The following PCDHGA3 variants were observed in gnomAD, a reference collection of about 807,000 sequenced individuals.
PCDHGA3 encodes protocadherin gamma subfamily A, 3.
PCDHGA3 carries 40 observed loss-of-function variants against 58.5 expected under a neutral mutation model. That is an observed-to-expected ratio of 0.68 (90% CI 0.53 to 0.89). The LOEUF (loss-of-function observed/expected upper bound fraction) is 0.89, where lower values mean the gene tolerates loss of function less well. Ranked by LOEUF, PCDHGA3 falls within the 40% of genes least tolerant of loss-of-function variation. The probability of loss-of-function intolerance (pLI) is 0.00; values close to 1 mark genes in which losing one functional copy is unlikely to be tolerated. For synonymous variants in PCDHGA3, 530 were observed against 525.7 expected (o/e 1.01, Z -0.11); for missense variants, 1,223 against 1,195.9 (o/e 1.02, Z -0.33).
intron 1 of PCDHGA3, chr5:141,355,798 C>G (rs1255489648): frequency 6.2e-7 from 1 of 1,613,510 alleles, no homozygotes; most frequent in Non-Finnish European, 8.5e-7. Flanking sequence ...GGAACGCGCT[C>G]TAGATCGCGA....
At chr5:141,453,379 C>T (rs980792532) in intron 1 of PCDHGA3, among the ~76,000 whole-genome samples, 1 of 152,050 alleles carries the variant, frequency 6.6e-6, no homozygotes, top group Non-Finnish European at 1.5e-5. Context: ...AGTGATCCTC[C>T]TGCCTTAGCC....
intron 1 of PCDHGA3, among the ~76,000 whole-genome samples, chr5:141,446,891 C>T (rs1457416718): frequency 6.6e-6 from 1 of 152,152 alleles, no homozygotes; most frequent in South Asian, 2.1e-4. Context: ...GGGTTCATGG[C>T]TGAGCTACTT....
At chr5:141,414,932 C>T (rs770025434) in intron 1 of PCDHGA3, 3 of 1,614,162 alleles carry the variant, frequency 1.9e-6, no homozygotes, top group Middle Eastern at 1.7e-4. Context: ...CCCCGCTCCG[C>T]AGAGCCCGGC....
At chr5:141,366,741 G>C (rs772947820) in intron 1 of PCDHGA3, 1 of 1,611,828 alleles carries the variant, frequency 6.2e-7, no homozygotes, top group Non-Finnish European at 8.5e-7. Context: ...AAAGAAGAAC[G>C]GCGAGTTCAG....
At chr5:141,472,347 C>G (rs992566469) in intron 1 of PCDHGA3, among the ~76,000 whole-genome samples, 11 of 152,028 alleles carry the variant, frequency 7.2e-5, no homozygotes, top group Non-Finnish European at 1.2e-4. Context: ...CGAGACCATC[C>G]TGGCTAACAC....
intron 1 of PCDHGA3, chr5:141,409,494 C>T (rs755680835): frequency 8.1e-6 from 13 of 1,613,910 alleles, no homozygotes; most frequent in South Asian, 3.3e-5. Context: ...GGCAAGCCGC[C>T]TCTTTCTTCC....
intron 1 of PCDHGA3, among the ~76,000 whole-genome samples, chr5:141,461,288 A>G (rs1049761514): frequency 2.0e-5 from 3 of 152,092 alleles, no homozygotes; most frequent in Admixed American, 1.3e-4. Flanking sequence ...CCCCACATCC[A>G]CACCAACATC....
intron 1 of PCDHGA3, among the ~76,000 whole-genome samples, chr5:141,443,514 C>T (rs1386662758): frequency 6.6e-6 from 1 of 152,056 alleles, no homozygotes; most frequent in Non-Finnish European, 1.5e-5. Flanking sequence ...AAGAGCTTCT[C>T]TCCTTATGAC....
At chr5:141,367,424 C>A (rs1368988996) in intron 1 of PCDHGA3, 1 of 152,184 alleles carries the variant, frequency 6.6e-6, no homozygotes, top group Non-Finnish European at 1.5e-5. Context: ...GTAGTCCCAG[C>A]TACTCGGAAG....
chr5:141,485,920 T>G lies in PCDHGA3; in HGVS notation c.2425-8887T>G. 4 of 1,614,038 alleles carry G rather than the reference T, an allele frequency of 2.5e-6. No individual in the cohort carries two copies. Among genetic ancestry groups the G allele is most frequent in the Non-Finnish European group, 3.4e-6 (4 of 1,180,010 alleles). ...CCTTCCAGCAATCCAGCTACAGGAT[T>G]AGTGTGTTGGAGAGCGCACCAGCGG... On this transcript the variant is annotated intron_variant, in intron 1 of 3. Transcript: ENST00000253812. The surrounding 1 kb of genome is among the most constrained non-coding windows in gnomAD (Gnocchi z 5.7).
At chr5:141,404,044 A>G (rs752955570) in intron 1 of PCDHGA3, 3 of 1,613,936 alleles carry the variant, frequency 1.9e-6, no homozygotes, top group South Asian at 1.1e-5. Context: ...CTCAGGGAAC[A>G]GTAATTCTTC....
At chr5:141,375,231 C>T in intron 1 of PCDHGA3, 1 of 1,613,964 alleles carries the variant, frequency 6.2e-7, no homozygotes, top group East Asian at 2.2e-5. Flanking sequence ...GGCCTGGTAA[C>T]CTGTTCCATC....
At chr5:141,438,334 A>G (rs756299924) in intron 1 of PCDHGA3, among the ~76,000 whole-genome samples, 6 of 151,946 alleles carry the variant, frequency 3.9e-5, no homozygotes, top group Non-Finnish European at 7.4e-5. Context: ...TATACATGTC[A>G]TATAAGGATC....
At chr5:141,368,863 T>C (rs1765900846) in intron 1 of PCDHGA3, among the ~76,000 whole-genome samples, 1 of 152,218 alleles carries the variant, frequency 6.6e-6, no homozygotes, top group African/African-American at 2.4e-5. Context: ...TTGGAATGTT[T>C]TGGAGCAAAG....
chr5:141,365,082 T>A lies in PCDHGA3; in HGVS notation c.2424+18625T>A, dbSNP rs769625651. 5 of 1,613,852 alleles carry A rather than the reference T, an allele frequency of 3.1e-6. No homozygotes were observed. In the South Asian group the frequency reaches 5.5e-5, roughly 18 times the overall value. On this transcript the variant is annotated intron_variant, in intron 1 of 3. Coordinates refer to ENST00000253812, the MANE Select transcript of PCDHGA3 (RefSeq NM_018916.4). ...ACCCCATCCGAGTACAGCGTGAGTG[T>A]TCCAGAGAACATACCTGTGGGCACT... is the stretch of plus-strand genomic sequence containing the variant.
At chr5:141,392,693 C>T (rs1315405629) in intron 1 of PCDHGA3, 5 of 1,161,626 alleles carry the variant, frequency 4.3e-6, no homozygotes, top group Non-Finnish European at 5.8e-6. Context: ...GAAACCCGAC[C>T]CCTGTTTGGA....
chr5:141,448,211 T>TA (rs2098575794), intron 1 of PCDHGA3, among the ~76,000 whole-genome samples: 1 of 152,212 alleles, frequency 6.6e-6, no homozygotes, highest in East Asian at 1.9e-4. Flanking sequence ...TTTCTGTGTG[T>TA]ATGCGAATGT....
rs1437533706 is a variant in PCDHGA3, at chr5:141,511,419, G to C, written c.*246G>C. On this transcript the variant is annotated 3_prime_UTR_variant, in exon 4 of 4. Transcript: ENST00000253812. ...ATCCAATCAACTGCTGTACCCATGG[G>C]GGTAGTGGGGTTACTGTAGACACCA... The C allele has an allele frequency of 2.4e-6, 2 of 830,456 alleles. No individual in the cohort carries two copies. The highest frequency in any genetic ancestry group is 5.8e-5 in the East Asian group (2 of 34,260). 51.4% of individuals were successfully genotyped at this position (830,456 alleles called of 1,614,324 possible).
At position 141,489,207 on chromosome 5, in the gene PCDHGA3, A is replaced by T; in HGVS notation, c.2425-5600A>T. The T allele has an allele frequency of 6.9e-7, 1 of 1,452,692 alleles. No homozygotes were observed. The highest frequency in any genetic ancestry group is 9.3e-7 in the Non-Finnish European group (1 of 1,073,586). 90.0% of individuals were successfully genotyped at this position (1,452,692 alleles called of 1,614,324 possible). ...GGGTCTACCTTGGAGACAGGACAGC[A>T]CAGACTTACTCTCCACAAAGGGACT... On this transcript the variant is annotated intron_variant, in intron 1 of 3. Transcript: ENST00000253812. The surrounding 1 kb of genome is among the most constrained non-coding windows in gnomAD (Gnocchi z 4.5).
Sources: gnomAD v4.1 joint callset for allele counts (sites outside exome capture counted in the v4.1 genomes callset) on GRCh38, gnomAD v4.1.1 for gene constraint, Gnocchi (gnomAD v3.1) non-coding constraint, MANE v1.5 for transcripts, NCBI Gene and HGNC (gene_info 2026-07-23, HGNC 2026-07-21) for gene names.